TECPR2: variants seen among roughly 807,000 people sequenced by gnomAD.
TECPR2 encodes the protein tectonin beta-propeller repeat-containing protein 2.
TECPR2 carries 65 observed loss-of-function variants against 138.1 expected under a neutral mutation model. The observed-to-expected ratio is 0.47, with a 90% CI of 0.39 to 0.58. The LOEUF (loss-of-function observed/expected upper bound fraction) is 0.58, where lower values mean the gene tolerates loss of function less well. TECPR2 is among the 20% of genes least tolerant of loss of function. The probability of loss-of-function intolerance (pLI) is 0.00; values close to 1 mark genes in which losing one functional copy is unlikely to be tolerated. For missense variants in TECPR2, 1,553 were observed against 1,824.5 expected (o/e 0.85, Z 2.71); for synonymous variants, 746 against 749.8 (o/e 0.99, Z 0.08).
chr14:102,474,444 G>A (rs886298301), intron 17 of TECPR2, among the ~76,000 whole-genome samples: 12 of 152,022 alleles, frequency 7.9e-5, no homozygotes, highest in African/African-American at 2.9e-4. Context: ...GACCAATATG[G>A]AGAAACCCCG....
intron 3 of TECPR2, among the ~76,000 whole-genome samples, chr14:102,407,770 G>A (rs911383082): frequency 2.0e-5 from 3 of 152,168 alleles, no homozygotes; most frequent in Non-Finnish European, 4.4e-5. Context: ...GCCGAGGCAG[G>A]CAGATCACGA....
chr14:102,436,973 TC>T, intron 9 of TECPR2: 1 of 985,034 alleles, frequency 1.0e-6, no homozygotes, highest in African/African-American at 1.7e-5. Flanking sequence ...GTGACAGGGA[TC>T]CTGGCCCTTT....
At chr14:102,446,984 C>G (rs1213083731) in intron 13 of TECPR2, among the ~76,000 whole-genome samples, 1 of 152,130 alleles carries the variant, frequency 6.6e-6, no homozygotes, top group African/African-American at 2.4e-5. Flanking sequence ...TGAGCTGTCT[C>G]TGCTTATTCA....
At chr14:102,411,595 C>G (rs1052949923) in intron 4 of TECPR2, among the ~76,000 whole-genome samples, 1 of 148,380 alleles carries the variant, frequency 6.7e-6, no homozygotes, top group East Asian at 2.0e-4. Context: ...TTTTCCATTA[C>G]CTTCCCAAAT....
rs761586161 is a variant in TECPR2 at position 102,465,249 on chromosome 14, T to C, written c.3749T>C (p.Leu1250Pro). The C allele has an allele frequency of 6.2e-7, 1 of 1,614,060 alleles. No individual in the cohort carries two copies. Among genetic ancestry groups the C allele is most frequent in the Non-Finnish European group, 8.5e-7 (1 of 1,179,996 alleles). The change falls in exon 17 of 20, where the codon CTC becomes CCC. Residue 1250 changes from leucine (L) to proline (P), a missense_variant. By Grantham distance (98) the Leu-to-Pro change is moderately conservative (BLOSUM62 -3). Transcript: ENST00000359520. ...RVGTQPLNPS[L>P]MLPAWIMIEP... ...GGGACTCAGCCTCTCAATCCCAGTC[T>C]CATGCTTCCAGCCTGGATAATGATT... is the stretch of plus-strand genomic sequence containing the variant.
At chr14:102,467,627 T>G (rs1290965302) in intron 17 of TECPR2, among the ~76,000 whole-genome samples, 1 of 151,802 alleles carries the variant, frequency 6.6e-6, no homozygotes, top group Non-Finnish European at 1.5e-5. Context: ...CGCCTGGCCT[T>G]TCCAATTTTT....
At chr14:102,369,360 G>A (rs1169594026) in intron 1 of TECPR2, among the ~76,000 whole-genome samples, 2 of 152,042 alleles carry the variant, frequency 1.3e-5, no homozygotes, top group South Asian at 2.1e-4. Flanking sequence ...GCTACTATGA[G>A]GAAAAATATT....
intron 15 of TECPR2, 112 bp downstream of exon 15, chr14:102,450,761 T>C (rs1890119369): frequency 9.5e-7 from 1 of 1,053,456 alleles, no homozygotes; most frequent in Non-Finnish European, 1.4e-6. Flanking sequence ...CCTCGGAGAC[T>C]GACCACGTGA....
chr14:102,495,100 G>A (rs1211175533), intron 17 of TECPR2, among the ~76,000 whole-genome samples: 1 of 152,186 alleles, frequency 6.6e-6, no homozygotes, highest in Non-Finnish European at 1.5e-5. Context: ...TGTAGTCCCA[G>A]ATTCTTGGGA....
At chr14:102,440,828 T>C (rs1889808871) in intron 11 of TECPR2, among the ~76,000 whole-genome samples, 1 of 152,236 alleles carries the variant, frequency 6.6e-6, no homozygotes, top group Admixed American at 6.5e-5. Context: ...AGGGCAAAAA[T>C]GAATAGGATT....
At chr14:102,444,676 A>C (rs1450825085) in intron 12 of TECPR2, among the ~76,000 whole-genome samples, 1 of 152,138 alleles carries the variant, frequency 6.6e-6, no homozygotes, top group African/African-American at 2.4e-5. Context: ...GTGAATACCT[A>C]TTAAGAGCCA....
At chr14:102,430,203 A>C (rs577797111) in intron 7 of TECPR2, among the ~76,000 whole-genome samples, 282 of 152,188 alleles carry the variant, frequency 1.9e-3, no homozygotes, top group South Asian at 4.4e-3. Flanking sequence ...CGAACTCCTG[A>C]GCTCAGGCAG....
At chr14:102,429,699 G>A (rs936977824) in intron 7 of TECPR2, among the ~76,000 whole-genome samples, 48 of 152,242 alleles carry the variant, frequency 3.2e-4, no homozygotes, top group Admixed American at 1.2e-3. Context: ...TATAAGAAGT[G>A]AATAAGCTCT....
At chr14:102,381,012 G>A (rs1887797598) in intron 2 of TECPR2, among the ~76,000 whole-genome samples, 1 of 142,346 alleles carries the variant, frequency 7.0e-6, no homozygotes, top group Non-Finnish European at 1.5e-5. Flanking sequence ...TTTCGCTCTT[G>A]TTGCCCAGGC....
In TECPR2 at chr14:102,432,136, C is replaced by G; in HGVS notation, c.1417+8C>G. On this transcript the variant is annotated splice_region_variant and intron_variant, in intron 8 of 19. Coordinates refer to ENST00000359520, the MANE Select transcript of TECPR2 (RefSeq NM_014844.5). ...AGAAGAAGAAGAAGACAGGTACCCTCTGTAGCTGGCACACACCCATCTGGG... is the reference window on the plus strand; with the variant it reads ...AGAAGAAGAAGAAGACAGGTACCCTGTGTAGCTGGCACACACCCATCTGGG... The G allele has an allele frequency of 1.3e-6, 2 of 1,536,856 alleles. No homozygotes were observed. The highest frequency in any genetic ancestry group is 1.8e-6 in the Non-Finnish European group (2 of 1,138,490).
In TECPR2 at chr14:102,410,167, CAT is replaced by C. The variant is rs201911010; in HGVS notation, c.480+1551_480+1552del. ...ATCCATAACATCTGCACATAAGTGA[CAT>C]ATTTTGTGAAAATATCTCTATAGCT... On this transcript the variant is annotated intron_variant, in intron 4 of 19. Transcript: ENST00000359520. Among the ~76,000 whole-genome samples the C allele has an allele frequency of 7.3e-3, 1,114 of 152,280 alleles. 3 individuals are homozygous for C. The highest frequency in any genetic ancestry group is 0.011 in the Non-Finnish European group (754 of 68,006).
intron 5 of TECPR2, among the ~76,000 whole-genome samples, chr14:102,418,455 G>A (rs1889086988): frequency 6.6e-6 from 1 of 152,246 alleles, no homozygotes; most frequent in African/African-American, 2.4e-5. Context: ...TGAGGAGGTA[G>A]CATGGGCTGA....
chr14:102,460,268 G>A (rs1421592906), intron 16 of TECPR2, among the ~76,000 whole-genome samples: 2 of 151,920 alleles, frequency 1.3e-5, no homozygotes, highest in Non-Finnish European at 2.9e-5. Flanking sequence ...CTCCAGCCTG[G>A]GCGACAGAAT....
chr14:102,379,754 C>T (rs1268430033), intron 2 of TECPR2, among the ~76,000 whole-genome samples: 2 of 143,572 alleles, frequency 1.4e-5, no homozygotes, highest in African/African-American at 2.6e-5. Context: ...CTGAAGATCA[C>T]CATCTTAAAA....
Sources: allele counts gnomAD v4.1 joint callset (sites outside exome capture counted in the v4.1 genomes callset), GRCh38; gene constraint gnomAD v4.1.1; transcripts MANE v1.5; gene names NCBI Gene and HGNC (gene_info 2026-07-23, HGNC 2026-07-21).